TM7SF3: variants seen among roughly 807,000 people sequenced by gnomAD.
The protein encoded by TM7SF3 is seven span transmembrane protein.
In TM7SF3, 60 loss-of-function variants were observed where a neutral mutation model predicts 65.5. The ratio of observed to expected loss-of-function variants is 0.92; its 90% CI spans 0.74 to 1.14. The LOEUF is 1.14. TM7SF3 is among the 50% of genes most tolerant of loss of function. TM7SF3 has a pLI of 0.00. For missense variants in TM7SF3, 623 were observed against 684.8 expected, an observed-to-expected ratio of 0.91 and a Z score of 1.01; for synonymous variants, 264 against 259.6, an observed-to-expected ratio of 1.02 and a Z score of -0.16.
At chr12:27,003,201 A>G in intron 2 of TM7SF3, 35 bp downstream of exon 2, 1 of 1,507,926 alleles carries the variant, frequency 6.6e-7, no homozygotes, top group Non-Finnish European at 9.1e-7. Context: ...CAAAATATAG[A>G]AATGATTTTT....
At chr12:26,997,058 A>G (rs1230880747) in intron 3 of TM7SF3, among the ~76,000 whole-genome samples, 196 bp from the exon 4 acceptor site, 1 of 152,198 alleles carries the variant, frequency 6.6e-6, no homozygotes, top group East Asian at 1.9e-4. Flanking sequence ...AGGGCCCTAG[A>G]GCAGGGCAGA....
At chr12:27,010,227 G>C (rs1273332162) in intron 1 of TM7SF3, among the ~76,000 whole-genome samples, 1 of 152,132 alleles carries the variant, frequency 6.6e-6, no homozygotes, top group African/African-American at 2.4e-5. Flanking sequence ...ACACAATAAA[G>C]CATCATTTAT....
intron 1 of TM7SF3, among the ~76,000 whole-genome samples, chr12:27,011,287 T>C (rs1941235574): frequency 6.6e-6 from 1 of 152,244 alleles, no homozygotes; most frequent in African/African-American, 2.4e-5. Context: ...AATGATGCTG[T>C]GCTCAAGTCC....
chr12:27,014,022 T>C (rs1941345076), intron 1 of TM7SF3, 56 bp downstream of exon 1: 2 of 1,471,284 alleles, frequency 1.4e-6, no homozygotes, highest in South Asian at 2.4e-5. Context: ...GATTTTGACC[T>C]CGCAAGAAAT....
rs768152880 is a variant in TM7SF3 at position 26,999,504 on chromosome 12, G to C, written c.397+22C>G. On this transcript the variant is annotated intron_variant, in intron 3 of 11. Transcript: ENST00000343028. ...ATTCCATATTCCAAAGAGTAAGAGGGAGGAGAAGACAGAAGGGTTACCTCT... is the reference window on the plus strand; with the variant it reads ...ATTCCATATTCCAAAGAGTAAGAGGCAGGAGAAGACAGAAGGGTTACCTCT... 11 of 1,611,428 alleles carry C rather than the reference G, an allele frequency of 6.8e-6. No individual in the cohort carries two copies. In the African/African-American group the frequency reaches 1.2e-4, roughly 18 times the overall value.
chr12:26,979,897 C>T lies in TM7SF3; in HGVS notation c.1076G>A (p.Gly359Glu). The change falls in exon 9 of 12, where the codon GGA (glycine) becomes GAA (glutamate). Residue 359 changes from glycine (G) to glutamate (E), a missense_variant. Transcript: ENST00000343028. ...ILTAVTGSVG[G>E]MFLVAVWWRF... is the part of the protein sequence containing the mutation. Reference sequence around the variant, plus strand: ...CCACCACACAGCTACCAAGAACATTCCACCGACGCTTCCAGTGACAGCTGT... The same window carrying T: ...CCACCACACAGCTACCAAGAACATTTCACCGACGCTTCCAGTGACAGCTGT... The T allele has an allele frequency of 6.2e-7, 1 of 1,614,176 alleles. No homozygotes were observed. Among genetic ancestry groups the T allele is most frequent in the Non-Finnish European group, 8.5e-7 (1 of 1,180,026 alleles).
intron 2 of TM7SF3, among the ~76,000 whole-genome samples, chr12:27,001,156 A>C (rs1165152785): frequency 1.3e-5 from 2 of 152,198 alleles, no homozygotes; most frequent in Non-Finnish European, 2.9e-5. Flanking sequence ...CAGGAAACAG[A>C]AGCACTTCTC....
In TM7SF3 at chr12:26,975,652, T is replaced by A; in HGVS notation, c.1294A>T (p.Ile432Leu). Residue 432 changes from isoleucine (I) to leucine (L), a missense_variant, in exon 11 of 12, where the codon ATA becomes TTA. Ile to Leu is a conservative substitution (Grantham distance 5, BLOSUM62 2). Transcript: ENST00000343028. Reference sequence around the variant, plus strand: ...GAGCCAATGACTCCACAAGTCAGTATGTTCAGCTGTGGAAGAGTGGAAGAG... The same window carrying A: ...GAGCCAATGACTCCACAAGTCAGTAAGTTCAGCTGTGGAAGAGTGGAAGAG... The part of the protein sequence containing the change: ...VFMGCLRILN[I>L]LTCGVIGSYS... 1 of 1,599,870 alleles carries A rather than the reference T, an allele frequency of 6.3e-7. No individual in the cohort carries two copies. Among genetic ancestry groups the A allele is most frequent in the Non-Finnish European group, 8.5e-7 (1 of 1,176,490 alleles).
intron 1 of TM7SF3, among the ~76,000 whole-genome samples, chr12:27,012,087 G>A (rs1159849037): frequency 3.3e-5 from 5 of 152,078 alleles, no homozygotes; most frequent in Non-Finnish European, 7.4e-5. Context: ...TGAAGAATGA[G>A]GATTCACAGA....
intron 4 of TM7SF3, among the ~76,000 whole-genome samples, chr12:26,996,504 T>C (rs113506508): frequency 6.6e-6 from 1 of 152,234 alleles, no homozygotes; most frequent in African/African-American, 2.4e-5. Context: ...TTCAAGCTCA[T>C]AATAGACTCA....
chr12:26,982,572 G>A (rs568983576), intron 7 of TM7SF3, among the ~76,000 whole-genome samples: 1 of 152,260 alleles, frequency 6.6e-6, no homozygotes, highest in South Asian at 2.1e-4. Flanking sequence ...CTGTTAATAA[G>A]AGAAGGTTAT....
intron 2 of TM7SF3, among the ~76,000 whole-genome samples, chr12:27,002,322 G>A (rs940116303): frequency 1.3e-5 from 2 of 151,814 alleles, no homozygotes; most frequent in Non-Finnish European, 2.9e-5. Context: ...TTAAAAATTA[G>A]CCAAGTGTGG....
intron 1 of TM7SF3, among the ~76,000 whole-genome samples, chr12:27,011,316 C>T (rs12319254): frequency 0.014 from 2,098 of 152,240 alleles, 59 homozygotes; most frequent in African/African-American, 0.048. Flanking sequence ...TGAAATTCCA[C>T]GGGAGTTACT....
At chr12:26,996,614 C>A in intron 4 of TM7SF3, 128 bp downstream of exon 4, 2 of 912,730 alleles carry the variant, frequency 2.2e-6, no homozygotes, top group East Asian at 2.8e-5. Context: ...TAAATTACAT[C>A]AATTCCCCCC....
At chr12:26,983,293 A>T (rs953896130) in intron 6 of TM7SF3, among the ~76,000 whole-genome samples, 1 of 152,174 alleles carries the variant, frequency 6.6e-6, no homozygotes, top group African/African-American at 2.4e-5. Flanking sequence ...TAAAAGACAC[A>T]TCAACTAAAT....
chr12:27,012,675 C>T (rs971640088), intron 1 of TM7SF3: 4 of 455,924 alleles, frequency 8.8e-6, no homozygotes, highest in African/African-American at 4.0e-5. Flanking sequence ...TCTAACATCC[C>T]ATTCTGAGTT....
chr12:27,009,454 A>C (rs1023681892), intron 1 of TM7SF3, among the ~76,000 whole-genome samples: 1 of 152,206 alleles, frequency 6.6e-6, no homozygotes. Context: ...GTTGAGATGT[A>C]TTATGTTATT....
At chr12:26,996,165 AAAG>A (rs1222126748) in intron 4 of TM7SF3, among the ~76,000 whole-genome samples, 4 of 152,246 alleles carry the variant, frequency 2.6e-5, no homozygotes, top group African/African-American at 4.8e-5. Context: ...AAAAAAAAAA[AAAG>A]AAGAAGAATA....
chr12:26,982,850 G>C lies in TM7SF3; in HGVS notation c.878C>G (p.Ser293Cys), dbSNP rs778746786. The C allele has an allele frequency of 3.1e-6, 5 of 1,599,012 alleles. No individual in the cohort carries two copies. In the East Asian group the frequency reaches 1.1e-4, roughly 36 times the overall value. Residue 293 changes from serine (S) to cysteine (C), a missense_variant, in exon 7 of 12, where the codon TCT becomes TGT. Physicochemically the swap from Ser to Cys is moderately radical, Grantham distance 112 (BLOSUM62 -1). Coordinates refer to ENST00000343028, the MANE Select transcript of TM7SF3 (RefSeq NM_016551.3). ...EGSCASLGRV[S>C]SKVFFTLFAL... ...AAAAAGAGTGAAGAACACTTTGGAAGACACTCTTCCTAAAAAATAATGAAA... is the reference window on the plus strand; with the variant it reads ...AAAAAGAGTGAAGAACACTTTGGAACACACTCTTCCTAAAAAATAATGAAA...
Sources: allele counts gnomAD v4.1 joint callset (sites outside exome capture counted in the v4.1 genomes callset), GRCh38; gene constraint gnomAD v4.1.1; transcripts MANE v1.5; gene names NCBI Gene and HGNC (gene_info 2026-07-23, HGNC 2026-07-21).